Variants in RPS6KC1 observed in about 807,000 individuals in gnomAD.
RPS6KC1 encodes inactive ribosomal protein S6 kinase delta-1.
A neutral mutation model predicts 103.8 loss-of-function variants in RPS6KC1; 54 were observed. The ratio of observed to expected loss-of-function variants is 0.52; its 90% CI spans 0.42 to 0.65. The LOEUF (loss-of-function observed/expected upper bound fraction) is 0.65. Among genes scored for constraint, RPS6KC1 ranks in the 30% least tolerant of loss-of-function variants. RPS6KC1 has a pLI of 0.00. For synonymous variants in RPS6KC1, 439 were observed against 438.7 expected (o/e 1.00, Z -0.01); for missense variants, 1,151 against 1,253.8 (o/e 0.92, Z 1.24).
the RPS6KC1 span, among the ~76,000 whole-genome samples, chr1:213,608,642 A>C: frequency 6.6e-6 from 1 of 152,224 alleles, no homozygotes; most frequent in South Asian, 2.1e-4. Flanking sequence ...TAGGAAAAAA[A>C]AAGGAAAAAA....
the RPS6KC1 span, among the ~76,000 whole-genome samples, chr1:213,530,668 AC>A: frequency 6.6e-6 from 1 of 152,098 alleles, no homozygotes; most frequent in Non-Finnish European, 1.5e-5. Flanking sequence ...GGTGGACCTG[AC>A]TCTTGAGGCT....
chr1:213,528,561 A>C, the RPS6KC1 span, among the ~76,000 whole-genome samples: 1 of 152,198 alleles, frequency 6.6e-6, no homozygotes, highest in Non-Finnish European at 1.5e-5. Flanking sequence ...GACACTGGGG[A>C]AAAAGAGTAG....
chr1:213,855,831 C>T, the RPS6KC1 span, among the ~76,000 whole-genome samples: 1 of 152,240 alleles, frequency 6.6e-6, no homozygotes, highest in Non-Finnish European at 1.5e-5. Flanking sequence ...CTGTACTAGG[C>T]TCTGGTTTAA....
intron 8 of RPS6KC1, among the ~76,000 whole-genome samples, chr1:213,192,126 A>G (rs950258256): frequency 1.3e-5 from 2 of 152,112 alleles, no homozygotes; most frequent in African/African-American, 4.8e-5. Context: ...TGTAAAATGC[A>G]TTTTCAGCAT....
chr1:213,829,759 C>CA, the RPS6KC1 span, among the ~76,000 whole-genome samples: 2 of 152,080 alleles, frequency 1.3e-5, no homozygotes, highest in Admixed American at 6.6e-5. Flanking sequence ...CCCCCTCCCC[C>CA]AAAAAAGTCA....
chr1:213,056,882 C>G (rs1286179932), intron 1 of RPS6KC1, among the ~76,000 whole-genome samples: 1 of 145,664 alleles, frequency 6.9e-6, no homozygotes, highest in Non-Finnish European at 1.5e-5. Context: ...AGGCGTTGCT[C>G]TCTATATGTC....
the RPS6KC1 span, among the ~76,000 whole-genome samples, chr1:213,796,201 T>A: frequency 6.6e-6 from 1 of 152,228 alleles, no homozygotes; most frequent in Non-Finnish European, 1.5e-5. Flanking sequence ...TTCATTTCCC[T>A]TCTTGTTTCA....
chr1:213,483,277 G>A, the RPS6KC1 span, among the ~76,000 whole-genome samples: 14 of 152,214 alleles, frequency 9.2e-5, 1 homozygote, highest in East Asian at 9.7e-4. Flanking sequence ...CCACCCACTG[G>A]GTCCCTCCCA....
chr1:213,825,527 GTTAA>G, the RPS6KC1 span, among the ~76,000 whole-genome samples: 5 of 152,308 alleles, frequency 3.3e-5, 1 homozygote, highest in South Asian at 1.0e-3. Flanking sequence ...CTACAAGGGG[GTTAA>G]TGCCAGCCAG....
the RPS6KC1 span, among the ~76,000 whole-genome samples, chr1:213,826,774 G>C: frequency 0.035 from 5,396 of 152,242 alleles, 140 homozygotes; most frequent in Non-Finnish European, 0.057. Context: ...CCCTGGGAAG[G>C]GGGGGAAGTA....
At chr1:213,838,975 C>A in the RPS6KC1 span, among the ~76,000 whole-genome samples, 1 of 152,132 alleles carries the variant, frequency 6.6e-6, no homozygotes, top group Non-Finnish European at 1.5e-5. Flanking sequence ...GAGATTTTAG[C>A]AATATGGTGT....
the RPS6KC1 span, among the ~76,000 whole-genome samples, chr1:213,349,456 T>C: frequency 6.6e-6 from 1 of 152,148 alleles, no homozygotes; most frequent in African/African-American, 2.4e-5. Context: ...TTCAAGATGC[T>C]TAGGCAGCAT....
the RPS6KC1 span, chr1:213,731,702 G>A: frequency 2.0e-5 from 3 of 152,072 alleles, no homozygotes; most frequent in Non-Finnish European, 4.4e-5. Context: ...AAAAATATGT[G>A]CATCTATTAT....
the RPS6KC1 span, among the ~76,000 whole-genome samples, chr1:213,561,905 T>G: frequency 3.9e-5 from 6 of 152,354 alleles, no homozygotes; most frequent in East Asian, 7.7e-4. Flanking sequence ...AAAGTACTTT[T>G]AAATTCCTGG....
At chr1:213,223,716 G>A (rs768949355) in intron 8 of RPS6KC1, among the ~76,000 whole-genome samples, 3 of 152,066 alleles carry the variant, frequency 2.0e-5, no homozygotes, top group Non-Finnish European at 4.4e-5. Flanking sequence ...TTTTCTTTGG[G>A]TAGCTACCCA....
chr1:213,704,272 A>G, the RPS6KC1 span, among the ~76,000 whole-genome samples: 1 of 150,334 alleles, frequency 6.7e-6, no homozygotes, highest in Non-Finnish European at 1.5e-5. Context: ...CTGTAGTCCC[A>G]GCTACTCGGG....
chr1:213,263,884 T>C (rs1474308023), intron 14 of RPS6KC1, among the ~76,000 whole-genome samples: 2 of 152,074 alleles, frequency 1.3e-5, no homozygotes, highest in Non-Finnish European at 2.9e-5. Flanking sequence ...GGGGAAGTTT[T>C]TGTGGAATGG....
chr1:213,702,308 G>A, the RPS6KC1 span, among the ~76,000 whole-genome samples: 1 of 151,872 alleles, frequency 6.6e-6, no homozygotes, highest in Non-Finnish European at 1.5e-5. Flanking sequence ...TTTAAAAAAT[G>A]TTTTAAGGCT....
chr1:213,485,483 G>A, the RPS6KC1 span, among the ~76,000 whole-genome samples: 1 of 152,134 alleles, frequency 6.6e-6, no homozygotes, highest in African/African-American at 2.4e-5. Flanking sequence ...AATGTCTGCT[G>A]TACCCAGCTA....
Sources: gnomAD v4.1 joint callset for allele counts (sites outside exome capture counted in the v4.1 genomes callset) on GRCh38, gnomAD v4.1.1 for gene constraint, MANE v1.5 for transcripts, NCBI Gene and HGNC (gene_info 2026-07-23, HGNC 2026-07-21) for gene names.